TEAD3: variants seen among roughly 807,000 people sequenced by gnomAD.
The protein encoded by TEAD3 is transcriptional enhancer factor TEF-5.
A neutral mutation model predicts 55.6 loss-of-function variants in TEAD3; 15 were observed. That is an observed-to-expected ratio of 0.27 (90% CI 0.18 to 0.42). The LOEUF (loss-of-function observed/expected upper bound fraction) is 0.42. Among genes scored for constraint, TEAD3 ranks in the 10% least tolerant of loss-of-function variants. TEAD3 has a pLI of 1.00. For synonymous variants in TEAD3, 210 were observed against 232.2 expected, an observed-to-expected ratio of 0.90 and a Z score of 0.87; for missense variants, 407 against 576.8, an observed-to-expected ratio of 0.71 and a Z score of 3.01.
intron 1 of TEAD3, among the ~76,000 whole-genome samples, chr6:35,487,423 G>A (rs539995801): frequency 7.9e-5 from 12 of 152,040 alleles, no homozygotes; most frequent in South Asian, 2.1e-4. Context: ...ATGGTGGCAC[G>A]CACTTGTAAT....
At chr6:35,478,007 C>A (rs1009601466) in intron 7 of TEAD3, among the ~76,000 whole-genome samples, 2 of 149,204 alleles carry the variant, frequency 1.3e-5, no homozygotes, top group African/African-American at 2.5e-5. Context: ...CGCACCACCA[C>A]ACCCAGCTAA....
intron 1 of TEAD3, among the ~76,000 whole-genome samples, chr6:35,489,816 T>C (rs747737289): frequency 2.6e-5 from 4 of 152,094 alleles, no homozygotes; most frequent in Non-Finnish European, 4.4e-5. Context: ...GGAAGCTCAC[T>C]TGAGGCCAGG....
At chr6:35,476,018 A>T (rs1259265371) in exon 10 of TEAD3, 9 of 1,563,624 alleles carry the variant, frequency 5.8e-6, no homozygotes, top group Non-Finnish European at 6.9e-6. Context: ...TCTGGCGCAC[A>T]TCTACTGCCT....
At position 35,496,859 on chromosome 6, in the gene TEAD3, TCCCGAGCGGGGCCTCCTCCCGGCGTCCG is replaced by T. The variant is rs1768680096; in HGVS notation, c.-50+11_-50+38del. 4 of 151,170 alleles carry T rather than the reference TCCCGAGCGGGGCCTCCTCCCGGCGTCCG, an allele frequency of 2.6e-5. No homozygotes were observed. Among genetic ancestry groups the T allele is most frequent in the Non-Finnish European group, 5.9e-5 (4 of 67,836 alleles). The allele number at this position is 151,170 out of a possible 1,614,324, so 9.4% of individuals were successfully genotyped here. ...CCCAGCCGACCAACCAAACCACCTC[TCCCGAGCGGGGCCTCCTCCCGGCGTCCG>T]CCCGGCTTACCTGGTCCGAGCTCGC... On this transcript the variant is annotated intron_variant, in intron 1 of 12. Transcript: ENST00000639578. The surrounding 1 kb of genome is among the most constrained non-coding windows in gnomAD (Gnocchi z 4.8).
rs1768393418 is a variant in TEAD3, at chr6:35,486,824, G to A, written c.-49-113C>T. On this transcript the variant is annotated intron_variant, in intron 1 of 12. Coordinates refer to ENST00000639578, the Ensembl canonical transcript of TEAD3. The surrounding 1 kb of genome is among the most constrained non-coding windows in gnomAD (Gnocchi z 7.3). ...GCCCCCAGCCCCAAGCCCACCCTAG[G>A]AGCAGGTGCTCCAGGTGGAACGGAG... 8 of 705,504 alleles carry A rather than the reference G, an allele frequency of 1.1e-5. No individual in the cohort carries two copies. Among genetic ancestry groups the A allele is most frequent in the African/African-American group, 5.4e-5 (3 of 55,730 alleles). The allele number at this position is 705,504 out of a possible 1,614,324, so 43.7% of individuals were successfully genotyped here.
rs773735537 is a variant in TEAD3 at position 35,475,161 on chromosome 6, G to T, written c.1195-4C>A. 3.2e-6 allele frequency: 5 copies of T among 1,575,626 alleles called. No homozygotes were observed. Among genetic ancestry groups the T allele is most frequent in the Non-Finnish European group, 1.7e-6 (2 of 1,160,288 alleles). On this transcript the variant is annotated splice_region_variant and splice_polypyrimidine_tract_variant and intron_variant, in intron 12 of 12. Coordinates refer to ENST00000639578, the Ensembl canonical transcript of TEAD3. The surrounding 1 kb of genome is among the most constrained non-coding windows in gnomAD (Gnocchi z 5.4). The stretch of plus-strand genomic sequence containing the variant: ...GGGAGTCCCGGCTCGTGACCACCTG[G>T]GGGGTGAGCAGGTAAGAGATTCAGG...
Position 35,476,099 on chromosome 6 carries a change from G to A in TEAD3, c.727-7C>T. 1 of 1,536,548 alleles carries A rather than the reference G, an allele frequency of 6.5e-7. No homozygotes were observed. Among genetic ancestry groups the A allele is most frequent in the South Asian group, 1.3e-5 (1 of 78,406 alleles). ...CAAACAGGTGTTTGCTGTACTGTGG[G>A]GAGGGCCCAGACAGGGTCAGGAGAG... On this transcript the variant is annotated splice_polypyrimidine_tract_variant and splice_region_variant and intron_variant, in intron 9 of 12. Coordinates refer to ENST00000639578, the Ensembl canonical transcript of TEAD3.
rs1251903035 is a variant in TEAD3, at chr6:35,488,042, A to C, written c.-49-1331T>G. On this transcript the variant is annotated intron_variant, in intron 1 of 12. Transcript: ENST00000639578. The surrounding 1 kb of genome is among the most constrained non-coding windows in gnomAD (Gnocchi z 4.2). ...GGGACAAGGAGAGTCCCTGACCCAG[A>C]AGGGCACCATTTTATCTTCCCCCAA... is the stretch of plus-strand genomic sequence containing the variant. Among the ~76,000 whole-genome samples the C allele has an allele frequency of 6.7e-6, 1 of 149,726 alleles. No homozygotes were observed. Among genetic ancestry groups the C allele is most frequent in the African/African-American group, 2.5e-5 (1 of 39,592 alleles).
chr6:35,492,108 A>G (rs574556071), intron 1 of TEAD3, among the ~76,000 whole-genome samples: 15 of 152,314 alleles, frequency 9.8e-5, no homozygotes, highest in Admixed American at 9.8e-4. Flanking sequence ...TCCTGGGTCT[A>G]GCAGCCAGCA....
chr6:35,482,511 G>A (rs1457833364), intron 3 of TEAD3, among the ~76,000 whole-genome samples: 2 of 152,114 alleles, frequency 1.3e-5, no homozygotes, highest in Non-Finnish European at 2.9e-5. Context: ...GCTCTTTTCT[G>A]GGCAGCCCTC....
chr6:35,495,564 G>A (rs1237014046), intron 1 of TEAD3, among the ~76,000 whole-genome samples: 4 of 152,132 alleles, frequency 2.6e-5, no homozygotes, highest in Non-Finnish European at 5.9e-5. Flanking sequence ...CCCACTGGGT[G>A]AGCAGGGACC....
Position 35,484,315 on chromosome 6 carries a change from G to A in TEAD3, c.267+245C>T, listed in dbSNP as rs758770228. On this transcript the variant is annotated intron_variant, in intron 3 of 12. Coordinates refer to ENST00000639578, the Ensembl canonical transcript of TEAD3. The surrounding 1 kb of genome is among the most constrained non-coding windows in gnomAD (Gnocchi z 5.8). ...CCCTGAACCACAGGCCCTGGGCAGG[G>A]TAGTAGGTGGTCAGAGAGGACAGTG... Among the ~76,000 whole-genome samples the A allele has an allele frequency of 3.9e-5, 6 of 152,208 alleles. No individual in the cohort carries two copies. In the South Asian group the frequency reaches 6.2e-4, roughly 16 times the overall value.
chr6:35,482,771 A>C (rs754680860), intron 3 of TEAD3, among the ~76,000 whole-genome samples: 7 of 152,292 alleles, frequency 4.6e-5, no homozygotes, highest in Admixed American at 2.0e-4. Flanking sequence ...ACTTAAAAAA[A>C]CCAACAAAAA....
chr6:35,479,852 G>A (rs1041828882), intron 4 of TEAD3, among the ~76,000 whole-genome samples: 2 of 152,256 alleles, frequency 1.3e-5, no homozygotes, highest in Non-Finnish European at 2.9e-5. Context: ...CAGAGAAGAG[G>A]AGGGGTGGGC....
At chr6:35,481,759 C>A (rs934786782) in intron 3 of TEAD3, among the ~76,000 whole-genome samples, 44 of 152,164 alleles carry the variant, frequency 2.9e-4, no homozygotes, top group African/African-American at 9.2e-4. Context: ...GACTCCAGAG[C>A]CCACTCTGAC....
At chr6:35,474,854 T>C, downstream of TEAD3, 1 of 575,130 alleles carries the variant, frequency 1.7e-6, no homozygotes, top group East Asian at 3.0e-5. Flanking sequence ...TCTCCTCTCT[T>C]CTCCCACAAT....
At chr6:35,493,836 G>A (rs1297862986) in intron 1 of TEAD3, among the ~76,000 whole-genome samples, 1 of 152,198 alleles carries the variant, frequency 6.6e-6, no homozygotes, top group African/African-American at 2.4e-5. Flanking sequence ...CAGGTCACTT[G>A]AGCATCAGAG....
chr6:35,484,741 TC>T lies in TEAD3; in HGVS notation c.203-118del. 1 of 881,556 alleles carries T rather than the reference TC, an allele frequency of 1.1e-6. No individual in the cohort carries two copies. Among genetic ancestry groups the T allele is most frequent in the Non-Finnish European group, 1.8e-6 (1 of 551,248 alleles). The allele number at this position is 881,556 out of a possible 1,614,324, so 54.6% of individuals were successfully genotyped here. A position where few individuals can be genotyped will look rare whatever the true frequency, so the allele number is the denominator to read the frequency against. ...CCTCCCCAAAACACTGCTCTTCTGT[TC>T]CTCACTCTCTTCACCCCAAGCTGCA... On this transcript the variant is annotated intron_variant, in intron 2 of 12. Coordinates refer to ENST00000639578, the Ensembl canonical transcript of TEAD3. This position sits in a 1 kb window ranked among gnomAD's most constrained non-coding sequence, Gnocchi z 5.8.
intron 1 of TEAD3, among the ~76,000 whole-genome samples, chr6:35,487,721 CA>C (rs34693697): frequency 6.7e-6 from 1 of 148,836 alleles, no homozygotes; most frequent in Admixed American, 6.7e-5. Context: ...GACCTTGTCT[CA>C]AAAAAAAACA....
Sources: allele counts gnomAD v4.1 joint callset (sites outside exome capture counted in the v4.1 genomes callset), GRCh38; gene constraint gnomAD v4.1.1; non-coding constraint Gnocchi (gnomAD v3.1); transcripts MANE v1.5; gene names NCBI Gene and HGNC (gene_info 2026-07-23, HGNC 2026-07-21).